The following ZNF148 variants were observed in gnomAD, a reference collection of about 807,000 sequenced individuals.
ZNF148 encodes zinc finger protein 148.
Under a neutral mutation model 67.7 loss-of-function variants are expected in ZNF148, and 7 were observed. The observed-to-expected ratio is 0.10, with a 90% CI of 0.06 to 0.19. ZNF148 has a LOEUF of 0.19. Ranked by LOEUF, ZNF148 falls within the 10% of genes least tolerant of loss-of-function variation. ZNF148 has a pLI of 1.00. For synonymous variants in ZNF148, 333 were observed against 330.7 expected (o/e 1.01, Z -0.08); for missense variants, 583 against 947.1 (o/e 0.62, Z 5.05).
chr3:125,315,872 A>G (rs553033415), intron 3 of ZNF148, among the ~76,000 whole-genome samples: 9 of 152,282 alleles, frequency 5.9e-5, no homozygotes, highest in African/African-American at 1.4e-4. Flanking sequence ...AAACAACCCA[A>G]TTACACTCTT....
chr3:125,284,895 C>T (rs1013910381), intron 5 of ZNF148, among the ~76,000 whole-genome samples: 10 of 129,434 alleles, frequency 7.7e-5, no homozygotes, highest in Non-Finnish European at 1.4e-4. Flanking sequence ...CAGGCTTTCC[C>T]ATTGCATTTA....
chr3:125,300,944 T>C (rs190732275), intron 4 of ZNF148, among the ~76,000 whole-genome samples: 254 of 106,760 alleles, frequency 2.4e-3, no homozygotes, highest in Non-Finnish European at 3.9e-3. Context: ...AAGTGTAAAA[T>C]GGATAAGCCA....
At chr3:125,274,325 T>C (rs16836696) in intron 7 of ZNF148, among the ~76,000 whole-genome samples, 7,084 of 152,108 alleles carry the variant, frequency 0.047, 544 homozygotes, top group African/African-American at 0.16. Context: ...GGATCTGTAA[T>C]ATTCACAAAA....
intron 7 of ZNF148, among the ~76,000 whole-genome samples, chr3:125,243,519 T>A (rs1226793377): frequency 6.6e-6 from 1 of 152,122 alleles, no homozygotes; most frequent in Non-Finnish European, 1.5e-5. Context: ...CTTTCGTATG[T>A]TTCTGATTCT....
intron 1 of ZNF148, among the ~76,000 whole-genome samples, chr3:125,343,728 C>T (rs933538387): frequency 6.6e-6 from 1 of 152,156 alleles, no homozygotes; most frequent in African/African-American, 2.4e-5. Context: ...CCCATCCACA[C>T]TGTGGAAGCT....
chr3:125,284,465 A>G (rs1358958672), intron 5 of ZNF148, among the ~76,000 whole-genome samples: 1 of 152,192 alleles, frequency 6.6e-6, no homozygotes, highest in African/African-American at 2.4e-5. Context: ...TGAAGTGATT[A>G]TAAGCAGTAT....
chr3:125,357,761 C>CTA (rs2107774477), intron 1 of ZNF148: 2 of 152,382 alleles, frequency 1.3e-5, no homozygotes, highest in South Asian at 4.1e-4. Flanking sequence ...CCTGTTTAAG[C>CTA]CCCTTTCCTT....
rs1270780807 is a variant in ZNF148 at position 125,228,150 on chromosome 3, T to A, written c.*4191A>T. On this transcript the variant is annotated 3_prime_UTR_variant, in exon 9 of 9. Coordinates refer to ENST00000360647, the MANE Select transcript of ZNF148 (RefSeq NM_021964.3). The stretch of plus-strand genomic sequence containing the variant: ...TCACCTCAAAACTTACGGGCTTGAA[T>A]CTAAAACAGAAACAAATATTAAAAT... 1 of 152,592 alleles carries A rather than the reference T, an allele frequency of 6.6e-6. No individual in the cohort carries two copies. The highest frequency in any genetic ancestry group is 1.5e-5 in the Non-Finnish European group (1 of 68,022). The allele number at this position is 152,592 out of a possible 1,614,324, so 9.5% of individuals were successfully genotyped here. A position where few individuals can be genotyped will look rare whatever the true frequency, so the allele number is the denominator to read the frequency against.
intron 7 of ZNF148, among the ~76,000 whole-genome samples, chr3:125,240,890 A>G (rs528018002): frequency 6.6e-6 from 1 of 152,330 alleles, no homozygotes; most frequent in South Asian, 2.1e-4. Context: ...AAATAGAGCA[A>G]TTATGATGGC....
intron 1 of ZNF148, among the ~76,000 whole-genome samples, chr3:125,349,817 G>T (rs1303164208): frequency 6.6e-6 from 1 of 152,194 alleles, no homozygotes. Context: ...CTACAGCTCA[G>T]ATGACAGAGC....
At chr3:125,263,379 T>A (rs1228105506) in intron 7 of ZNF148, among the ~76,000 whole-genome samples, 1 of 152,112 alleles carries the variant, frequency 6.6e-6, no homozygotes, top group Non-Finnish European at 1.5e-5. Flanking sequence ...GGTGGAACCC[T>A]GTCTCTACTA....
chr3:125,290,308 T>C (rs1204716279), intron 4 of ZNF148, among the ~76,000 whole-genome samples: 1 of 152,184 alleles, frequency 6.6e-6, no homozygotes, highest in Non-Finnish European at 1.5e-5. Flanking sequence ...GCCGGTTCTT[T>C]CTTGCAAGTT....
At chr3:125,339,820 T>C (rs1457946929) in intron 1 of ZNF148, among the ~76,000 whole-genome samples, 1 of 152,110 alleles carries the variant, frequency 6.6e-6, no homozygotes, top group African/African-American at 2.4e-5. Context: ...AAAATAAATT[T>C]TAAGTTCACA....
At chr3:125,236,382 T>G (rs1477004410) in intron 7 of ZNF148, among the ~76,000 whole-genome samples, 2 of 152,144 alleles carry the variant, frequency 1.3e-5, no homozygotes, top group Non-Finnish European at 1.5e-5. Flanking sequence ...TAATTTTAAG[T>G]GCCAAATGAA....
At chr3:125,248,653 T>G (rs972107535) in intron 7 of ZNF148, among the ~76,000 whole-genome samples, 1 of 152,238 alleles carries the variant, frequency 6.6e-6, no homozygotes, top group African/African-American at 2.4e-5. Context: ...TAAAATGATT[T>G]GCTTTTTTTA....
At chr3:125,350,713 T>C (rs1311289360) in intron 1 of ZNF148, among the ~76,000 whole-genome samples, 2 of 152,226 alleles carry the variant, frequency 1.3e-5, no homozygotes, top group African/African-American at 4.8e-5. Context: ...CTAATGCCAC[T>C]GCTGATTTGA....
Position 125,232,526 on chromosome 3 carries a change from G to A in ZNF148, c.2200C>T (p.Arg734Cys). The change falls in exon 9 of 9, where the codon CGT becomes TGT. Residue 734 changes from arginine (R) to cysteine (C), a missense_variant. This residue lies in a region of ZNF148 where 158 missense variants were observed against 208.4 expected (regional missense o/e 0.76). Transcript: ENST00000360647. The surrounding 1 kb of genome is among the most constrained non-coding windows in gnomAD (Gnocchi z 4.2). ...GCTCTTGATCCATGATAGGGAGCAC[G>A]GAAGGGCTGTTCAAAGGAGCTCATT... ...YQMSSFEQPF[R>C]APYHGSRAGI... is the part of the protein sequence containing the mutation. 2 of 1,613,712 alleles carry A rather than the reference G, an allele frequency of 1.2e-6. No homozygotes were observed. Among genetic ancestry groups the A allele is most frequent in the Non-Finnish European group, 1.7e-6 (2 of 1,179,734 alleles).
intron 5 of ZNF148, 134 bp downstream of exon 5, chr3:125,287,969 G>C: frequency 8.0e-7 from 1 of 1,242,346 alleles, no homozygotes; most frequent in Non-Finnish European, 1.1e-6. Context: ...CCTCCATGCA[G>C]GCACGCACCC....
At chr3:125,248,570 T>C (rs1187453069) in intron 7 of ZNF148, among the ~76,000 whole-genome samples, 1 of 152,266 alleles carries the variant, frequency 6.6e-6, no homozygotes, top group Non-Finnish European at 1.5e-5. Flanking sequence ...TTTTCATGAC[T>C]AAAATCATTT....
Sources: gnomAD v4.1 joint callset for allele counts (sites outside exome capture counted in the v4.1 genomes callset) on GRCh38, gnomAD v4.1.1 for gene constraint, gnomAD v4.1.1 regional missense constraint, Gnocchi (gnomAD v3.1) non-coding constraint, MANE v1.5 for transcripts, NCBI Gene and HGNC (gene_info 2026-07-23, HGNC 2026-07-21) for gene names.